RORA: variants seen among roughly 807,000 people sequenced by gnomAD.
RORA encodes RAR related orphan receptor A.
RORA carries 7 observed loss-of-function variants against 69.5 expected under a neutral mutation model. That is an observed-to-expected ratio of 0.10 (90% CI 0.06 to 0.19). The LOEUF (loss-of-function observed/expected upper bound fraction) is 0.19, where lower values mean the gene tolerates loss of function less well. Ranked by LOEUF, RORA falls within the 10% of genes least tolerant of loss-of-function variation. RORA has a pLI of 1.00. For synonymous variants in RORA, 261 were observed against 240.8 expected, an observed-to-expected ratio of 1.08 and a Z score of -0.78; for missense variants, 457 against 663.0, an observed-to-expected ratio of 0.69 and a Z score of 3.41.
intron 1 of RORA, among the ~76,000 whole-genome samples, chr15:61,127,530 A>G (rs1298006553): frequency 6.6e-6 from 1 of 152,206 alleles, no homozygotes; most frequent in East Asian, 1.9e-4. Flanking sequence ...GGGCAGTCAC[A>G]TCCCCTCTAC....
At chr15:61,178,174 C>T (rs1052921428) in intron 1 of RORA, among the ~76,000 whole-genome samples, 15 of 152,034 alleles carry the variant, frequency 9.9e-5, no homozygotes, top group African/African-American at 3.4e-4. Flanking sequence ...TTTTCAAAAT[C>T]CTTTGATTCT....
intron 2 of RORA, among the ~76,000 whole-genome samples, chr15:60,561,069 TTGTTTTGTTTTTG>T (rs2067530523): frequency 2.3e-5 from 3 of 132,176 alleles, no homozygotes; most frequent in African/African-American, 1.2e-4. Flanking sequence ...TTTTTTTTTT[TTGTTTTGTTTTTG>T]TTTTTTTTTT....
In RORA at chr15:60,727,018, A is replaced by C. The variant is rs529087867; in HGVS notation, c.167-48332T>G. Among the ~76,000 whole-genome samples the C allele has an allele frequency of 3.9e-5, 6 of 152,280 alleles. No homozygotes were observed. The East Asian group carries it at 1.2e-3, about 29-fold the overall frequency. On this transcript the variant is annotated intron_variant, in intron 1 of 10. Transcript: ENST00000335670. ...CACATTCACAATCATTTTGATCGCA[A>C]ACTCCTGTGAACACCTCACAAACAG...
At chr15:60,510,508 C>T (rs2065660190) in intron 5 of RORA, 1 of 152,174 alleles carries the variant, frequency 6.6e-6, no homozygotes, top group Admixed American at 6.5e-5. Flanking sequence ...AATTTTGTCA[C>T]CAATATCCAT....
At position 61,213,720 on chromosome 15, in the gene RORA, T is replaced by C. The variant is rs901253500; in HGVS notation, c.166+15333A>G. 3.9e-5 allele frequency: 6 copies of C among 152,236 alleles called. No homozygotes were observed. 9.4% of individuals were successfully genotyped at this position (152,236 alleles called of 1,614,324 possible). A position where few individuals can be genotyped will look rare whatever the true frequency, so the allele number is the denominator to read the frequency against. ...ATGTTATAGGTTTCCTAAGTATCTCTACTATAGCATGCTACATCTTTTTAA... is the reference window on the plus strand; with the variant it reads ...ATGTTATAGGTTTCCTAAGTATCTCCACTATAGCATGCTACATCTTTTTAA... On this transcript the variant is annotated intron_variant, in intron 1 of 10. Transcript: ENST00000335670. This position sits in a 1 kb window ranked among gnomAD's most constrained non-coding sequence, Gnocchi z 4.1.
intron 2 of RORA, among the ~76,000 whole-genome samples, chr15:60,595,486 G>A (rs2068645828): frequency 6.6e-6 from 1 of 151,642 alleles, no homozygotes; most frequent in African/African-American, 2.4e-5. Context: ...CTGCACTCCA[G>A]CCTGGGCGAC....
intron 2 of RORA, among the ~76,000 whole-genome samples, chr15:60,661,845 G>T (rs982614524): frequency 1.3e-5 from 2 of 152,194 alleles, no homozygotes; most frequent in Non-Finnish European, 2.9e-5. Context: ...GTCCCAGAGG[G>T]AACAGGGGTA....
At chr15:60,942,219 T>A (rs181979919) in intron 1 of RORA, among the ~76,000 whole-genome samples, 1 of 152,166 alleles carries the variant, frequency 6.6e-6, no homozygotes, top group Non-Finnish European at 1.5e-5. Context: ...ACACAGTAGA[T>A]CTTTCAGACC....
chr15:60,615,399 A>G (rs2069211487), intron 2 of RORA, among the ~76,000 whole-genome samples: 1 of 152,170 alleles, frequency 6.6e-6, no homozygotes, highest in Non-Finnish European at 1.5e-5. Context: ...TCACCTTGCA[A>G]CAAGTGTAAA....
rs549157681 is a variant in RORA at position 60,998,740 on chromosome 15, CTA to C, written c.166+230311_166+230312del. 8.5e-5 allele frequency among the ~76,000 whole-genome samples: 13 copies of C among 152,324 alleles called. No individual in the cohort carries two copies. The South Asian group carries it at 2.7e-3, about 32-fold the overall frequency. On this transcript the variant is annotated intron_variant, in intron 1 of 10. Transcript: ENST00000335670. The stretch of plus-strand genomic sequence containing the variant: ...GACAGCCTCTTCACAAGGCTGATAA[CTA>C]TGTGATATTCTTGACAGGTCCCCAG...
At chr15:60,804,615 C>T (rs1393575161) in intron 1 of RORA, among the ~76,000 whole-genome samples, 2 of 152,128 alleles carry the variant, frequency 1.3e-5, no homozygotes, top group East Asian at 3.8e-4. Context: ...ATTGCTTAAG[C>T]TCCATTGGTA....
chr15:60,909,981 C>T (rs867816300), intron 1 of RORA, among the ~76,000 whole-genome samples: 4 of 152,294 alleles, frequency 2.6e-5, no homozygotes, highest in African/African-American at 7.2e-5. Flanking sequence ...CCCTTTGATT[C>T]CTGCAGAAAA....
intron 1 of RORA, among the ~76,000 whole-genome samples, chr15:60,896,468 T>C (rs1250522792): frequency 6.6e-6 from 1 of 152,212 alleles, no homozygotes; most frequent in Non-Finnish European, 1.5e-5. Context: ...ATATTTCTCC[T>C]GATACCCACA....
At chr15:60,778,340 C>T (rs1449773311) in intron 1 of RORA, among the ~76,000 whole-genome samples, 7 of 151,834 alleles carry the variant, frequency 4.6e-5, no homozygotes, top group African/African-American at 1.7e-4. Flanking sequence ...CTTTCTTTCC[C>T]TGTTCTAACG....
chr15:60,818,081 T>G (rs745926271), intron 1 of RORA, among the ~76,000 whole-genome samples: 13 of 151,872 alleles, frequency 8.6e-5, no homozygotes, highest in Non-Finnish European at 1.9e-4. Flanking sequence ...AGAAATACTG[T>G]GAGTGAGAGG....
chr15:60,815,643 A>G (rs2072799108), intron 1 of RORA, among the ~76,000 whole-genome samples: 1 of 151,300 alleles, frequency 6.6e-6, no homozygotes, highest in African/African-American at 2.4e-5. Context: ...TCTGACCACC[A>G]TTGCCCACCC....
At chr15:60,677,302 A>G in intron 2 of RORA, 1 of 429,350 alleles carries the variant, frequency 2.3e-6, no homozygotes, top group Non-Finnish European at 4.8e-6. Context: ...TCAATTATGC[A>G]CCGACAACAG....
intron 1 of RORA, among the ~76,000 whole-genome samples, chr15:60,983,582 T>A (rs908338261): frequency 6.6e-6 from 1 of 152,186 alleles, no homozygotes; most frequent in South Asian, 2.1e-4. Flanking sequence ...TTCATCTACA[T>A]AATAAGAACC....
At chr15:60,927,320 T>C (rs1343579293) in intron 1 of RORA, among the ~76,000 whole-genome samples, 2 of 152,236 alleles carry the variant, frequency 1.3e-5, no homozygotes, top group East Asian at 1.9e-4. Context: ...TGTGTCCTAC[T>C]GTCATCTGTA....
Sources: allele counts gnomAD v4.1 joint callset (sites outside exome capture counted in the v4.1 genomes callset), GRCh38; gene constraint gnomAD v4.1.1; non-coding constraint Gnocchi (gnomAD v3.1); transcripts MANE v1.5; gene names NCBI Gene and HGNC (gene_info 2026-07-23, HGNC 2026-07-21).